Variants in THNSL2 observed in about 807,000 individuals in gnomAD.
The protein encoded by THNSL2 is threonine synthase like 2, also known as threonine synthase-like 2.
A neutral mutation model predicts 40.0 loss-of-function variants in THNSL2; 34 were observed. That is an observed-to-expected ratio of 0.85 (90% CI 0.65 to 1.13). The LOEUF is 1.13. Ranked by LOEUF, THNSL2 falls within the 50% of genes most tolerant of loss-of-function variation. The pLI, the probability that THNSL2 is intolerant of heterozygous loss-of-function variation, is 0.00. For synonymous variants in THNSL2, 241 were observed against 247.5 expected (o/e 0.97, Z 0.25); for missense variants, 537 against 608.8 (o/e 0.88, Z 1.24).
rs138871561 is a variant in THNSL2, at chr2:88,182,954, T to C, written c.958T>C (p.Tyr320His). ...AAACTGACTTTCTGCTCAGGTGCCC[T>C]ACAACATGGAGAGGGTGTTCTGGCT... The part of the protein sequence containing the change: ...LASAMDIQVP[Y>H]NMERVFWLLS... Residue 320 changes from tyrosine (Y) to histidine (H), a missense_variant, in exon 7 of 9, where the codon TAC (tyrosine) becomes CAC (histidine). Physicochemically the swap from Tyr to His is moderately conservative, Grantham distance 83 (BLOSUM62 2). Transcript: ENST00000674334. 210 of 1,613,998 alleles carry C rather than the reference T, an allele frequency of 1.3e-4. No individual in the cohort carries two copies. The highest frequency in any genetic ancestry group is 1.7e-4 in the Non-Finnish European group (205 of 1,180,038).
chr2:88,175,892 G>GT (rs59618535), intron 4 of THNSL2: 50,657 of 153,460 alleles, frequency 0.33, 8,789 homozygotes, highest in Middle Eastern at 0.44. Context: ...CAGCCCAGGA[G>GT]TTTGAGACCA....
intron 3 of THNSL2, 37 bp downstream of exon 3, chr2:88,174,870 G>A: frequency 6.2e-7 from 1 of 1,605,466 alleles, no homozygotes. Flanking sequence ...ATACCTGAGT[G>A]CTGTGACTGT....
In THNSL2 at chr2:88,186,195, C is replaced by G. The variant is rs1678278032; in HGVS notation, c.*72C>G. ...CACCTTCTGAGCTGCCTTGTGCACC[C>G]TCCCCATTAAGCGTAGGTTAGGAGG... is the stretch of plus-strand genomic sequence containing the variant. On this transcript the variant is annotated 3_prime_UTR_variant, in exon 9 of 9. Coordinates refer to ENST00000674334, the MANE Select transcript of THNSL2 (RefSeq NM_018271.5). 2.1e-6 allele frequency: 3 copies of G among 1,439,732 alleles called. No individual in the cohort carries two copies. The African/African-American group carries it at 4.2e-5, about 20-fold the overall frequency. 89.2% of individuals were successfully genotyped at this position (1,439,732 alleles called of 1,614,324 possible). A position where few individuals can be genotyped will look rare whatever the true frequency, so the allele number is the denominator to read the frequency against.
At chr2:88,185,580 T>C in intron 8 of THNSL2, 101 bp downstream of exon 8, 1 of 1,551,498 alleles carries the variant, frequency 6.4e-7, no homozygotes. Context: ...AAAAAATGGC[T>C]GTAATGGAGT....
intron 5 of THNSL2, among the ~76,000 whole-genome samples, chr2:88,181,132 C>T (rs1191274626): frequency 0.025 from 12 of 484 alleles, no homozygotes; most frequent in East Asian, 0.12. Flanking sequence ...CCTCTCTCTC[C>T]TCTCTCTCTC....
chr2:88,174,969 G>A (rs1296559608), intron 3 of THNSL2, 136 bp downstream of exon 3: 3 of 1,105,304 alleles, frequency 2.7e-6, no homozygotes, highest in Non-Finnish European at 3.9e-6. Flanking sequence ...ACATTTTCTG[G>A]TGCCATAGAC....
chr2:88,174,388 AAAAT>A (rs1172638914), intron 2 of THNSL2, among the ~76,000 whole-genome samples: 2 of 152,218 alleles, frequency 1.3e-5, no homozygotes, highest in Non-Finnish European at 2.9e-5. Flanking sequence ...TAAAAAATGA[AAAAT>A]AAAGTCTTCT....
intron 7 of THNSL2, among the ~76,000 whole-genome samples, chr2:88,185,057 G>C (rs993702089): frequency 2.0e-5 from 3 of 152,212 alleles, no homozygotes; most frequent in African/African-American, 7.2e-5. Flanking sequence ...GCTGTGGCAA[G>C]TTGTTGAACA....
chr2:88,173,600 TTC>T (rs952692229), intron 2 of THNSL2, among the ~76,000 whole-genome samples: 1 of 151,936 alleles, frequency 6.6e-6, no homozygotes, highest in African/African-American at 2.4e-5. Context: ...AATTCTTTCT[TTC>T]TCTCTCTTTC....
chr2:88,181,995 TTTTG>T (rs1175351372), intron 5 of THNSL2, among the ~76,000 whole-genome samples: 3 of 152,356 alleles, frequency 2.0e-5, no homozygotes, highest in East Asian at 1.9e-4. Flanking sequence ...CAGTGGTATA[TTTTG>T]TTTATCAGTT....
intron 1 of THNSL2, chr2:88,172,897 C>T (rs1293467948): frequency 8.8e-6 from 3 of 341,822 alleles, no homozygotes; most frequent in Non-Finnish European, 1.6e-5. Flanking sequence ...CTCCGATACC[C>T]TCTCCCTGAA....
chr2:88,178,771 C>T lies in THNSL2; in HGVS notation c.572-12C>T. ...GCTCCTGACAGCTGCCCTCTTCTCT[C>T]CCCCCTGGCAGTGGAGGGAAACAGC... On this transcript the variant is annotated splice_polypyrimidine_tract_variant and intron_variant, in intron 4 of 8. Transcript: ENST00000674334. 6.2e-7 allele frequency: 1 copy of T among 1,613,818 alleles called. No individual in the cohort carries two copies. Among genetic ancestry groups the T allele is most frequent in the Middle Eastern group, 1.7e-4 (1 of 6,054 alleles).
At chr2:88,173,954 C>T (rs1676639998) in intron 2 of THNSL2, among the ~76,000 whole-genome samples, 1 of 152,152 alleles carries the variant, frequency 6.6e-6, no homozygotes, top group South Asian at 2.1e-4. Flanking sequence ...CTTTAAACAG[C>T]AAGAACAAAA....
chr2:88,181,528 C>T (rs76252432), intron 5 of THNSL2, among the ~76,000 whole-genome samples: 2,656 of 36,022 alleles, frequency 0.074, 32 homozygotes, highest in East Asian at 0.33. Context: ...CCTCTCTCTC[C>T]CCTCTCTCTC....
At chr2:88,171,716 A>T in intron 1 of THNSL2, 1 of 170,122 alleles carries the variant, frequency 5.9e-6, no homozygotes, top group Non-Finnish European at 1.3e-5. Flanking sequence ...TTGCTTATCC[A>T]CTGCAGTTAA....
At chr2:88,173,447 C>T (rs752036548) in intron 2 of THNSL2, 74 bp downstream of exon 2, 2 of 1,176,456 alleles carry the variant, frequency 1.7e-6, no homozygotes, top group Non-Finnish European at 2.3e-6. Context: ...AATCCATCAC[C>T]AAACCACTAG....
Position 88,182,710 on chromosome 2 carries a change from G to T in THNSL2, c.814G>T (p.Ala272Ser), listed in dbSNP as rs371763302. 764 of 1,611,994 alleles carry T rather than the reference G, an allele frequency of 4.7e-4. 14 individuals carry two copies. The South Asian group carries it at 8.0e-3, about 17-fold the overall frequency. The change falls in exon 6 of 9, where the codon GCT becomes TCT. Residue 272 changes from alanine (A) to serine (S), a missense_variant. Ala to Ser is a moderately conservative substitution (Grantham distance 99). Coordinates refer to ENST00000674334, the MANE Select transcript of THNSL2 (RefSeq NM_018271.5). ...TCTCTTGTCTTAAGCTGGGTACATT[G>T]CTCAAAAGATAGGCCTGCCCATCCG... ...AAGNLAAGYI[A>S]QKIGLPIRLV...
Position 88,173,227 on chromosome 2 carries a change from A to AC in THNSL2, c.78dup (p.Gly27ArgfsTer7). ...GCCCTCTTCTCTGGCTATGCACCTGACGGGGGCCTCTTTATGCCTGAAGAG... is the reference window on the plus strand; with the variant it reads ...GCCCTCTTCTCTGGCTATGCACCTGACCGGGGGCCTCTTTATGCCTGAAGAG... On this transcript the variant is annotated frameshift_variant, in exon 2 of 9. Transcript: ENST00000674334. LOFTEE classifies it high-confidence loss of function. 6.2e-7 allele frequency: 1 copy of AC among 1,611,356 alleles called. No homozygotes were observed. Among genetic ancestry groups the AC allele is most frequent in the Non-Finnish European group, 8.5e-7 (1 of 1,179,346 alleles).
chr2:88,176,418 C>G (rs544688261), intron 4 of THNSL2: 2 of 152,226 alleles, frequency 1.3e-5, no homozygotes, highest in Non-Finnish European at 2.9e-5. Context: ...TCACACCCCA[C>G]TGGACCCCAG....
Sources: gnomAD v4.1 joint callset for allele counts (sites outside exome capture counted in the v4.1 genomes callset) on GRCh38, gnomAD v4.1.1 for gene constraint, MANE v1.5 for transcripts, NCBI Gene and HGNC (gene_info 2026-07-23, HGNC 2026-07-21) for gene names.